HDGFL3: variants seen among roughly 807,000 people sequenced by gnomAD.
HDGFL3 encodes the protein HDGF like 3, also known as hepatoma-derived growth factor-related protein 3.
In HDGFL3, 6 loss-of-function variants were observed where a neutral mutation model predicts 27.6. That is an observed-to-expected ratio of 0.22 (90% CI 0.12 to 0.43). HDGFL3 has a LOEUF of 0.43. Ranked by LOEUF, HDGFL3 falls within the 20% of genes least tolerant of loss-of-function variation. The probability of loss-of-function intolerance (pLI) is 1.00; values close to 1 mark genes in which losing one functional copy is unlikely to be tolerated. For missense variants in HDGFL3, 207 were observed against 250.1 expected, an observed-to-expected ratio of 0.83 and a Z score of 1.16; for synonymous variants, 88 against 88.9, an observed-to-expected ratio of 0.99 and a Z score of 0.05.
In HDGFL3 at chr15:83,146,769, T is replaced by C. The variant is rs571007814; in HGVS notation, c.606+4446A>G. On this transcript the variant is annotated intron_variant, in intron 5 of 5. Coordinates refer to ENST00000299633, the MANE Select transcript of HDGFL3 (RefSeq NM_016073.4). ...AGACCACTGGTCTCAAGCAAGCCTT[T>C]AGTATTACCTGGCAATTCAACTTCA... Among the ~76,000 whole-genome samples, 6 of 152,378 alleles carry C rather than the reference T, an allele frequency of 3.9e-5. No individual in the cohort carries two copies. The South Asian group carries it at 1.0e-3, about 26-fold the overall frequency.
chr15:83,176,207 T>G (rs1021855493), intron 1 of HDGFL3, among the ~76,000 whole-genome samples: 10 of 152,212 alleles, frequency 6.6e-5, no homozygotes, highest in Admixed American at 1.3e-4. Flanking sequence ...GTGACTGTAC[T>G]TGAGAAAGCC....
At chr15:83,191,244 G>T (rs2037507685) in intron 1 of HDGFL3, among the ~76,000 whole-genome samples, 1 of 152,082 alleles carries the variant, frequency 6.6e-6, no homozygotes, top group South Asian at 2.1e-4. Context: ...GAAATGTCTT[G>T]TTTTGGCTGT....
chr15:83,192,540 T>C (rs1390301495), intron 1 of HDGFL3, among the ~76,000 whole-genome samples: 2 of 152,200 alleles, frequency 1.3e-5, no homozygotes, highest in Admixed American at 6.5e-5. Context: ...ATGAGCTAAT[T>C]GTAATATTTC....
At chr15:83,201,731 C>G (rs910496140) in intron 1 of HDGFL3, among the ~76,000 whole-genome samples, 1 of 151,934 alleles carries the variant, frequency 6.6e-6, no homozygotes, top group Non-Finnish European at 1.5e-5. Context: ...TAGAGAATTC[C>G]AAAGGGGATG....
At chr15:83,150,511 C>G (rs187670137) in intron 5 of HDGFL3, among the ~76,000 whole-genome samples, 31 of 152,240 alleles carry the variant, frequency 2.0e-4, no homozygotes, top group Admixed American at 2.0e-3. Context: ...GAGAGGTAAA[C>G]AGGACTGACA....
At chr15:83,145,562 A>C (rs1721241611) in intron 5 of HDGFL3, among the ~76,000 whole-genome samples, 1 of 151,992 alleles carries the variant, frequency 6.6e-6, no homozygotes, top group Non-Finnish European at 1.5e-5. Context: ...TTTATAAGCT[A>C]TTCATTCTCT....
At chr15:83,164,367 C>CAAAAAAAAAAAAAAAAAAAAAAAAAA (rs869303457) in intron 1 of HDGFL3, among the ~76,000 whole-genome samples, 14 of 38,394 alleles carry the variant, frequency 3.6e-4, no homozygotes, top group South Asian at 1.3e-3. Context: ...TTAGAGTAAC[C>CAAAAAAAAAAAAAAAAAAAAAAAAAA]AAAAAAAAAA....
At chr15:83,139,392 C>T in intron 5 of HDGFL3, 117 bp from the exon 6 acceptor site, 1 of 517,364 alleles carries the variant, frequency 1.9e-6, no homozygotes, top group Non-Finnish European at 3.2e-6. Context: ...TTAATATGCA[C>T]TGCAGCATTA....
rs753661528 is a variant in HDGFL3 at position 83,163,989 on chromosome 15, G to T, written c.161+10C>A. The T allele has an allele frequency of 1.1e-5, 18 of 1,602,744 alleles. No homozygotes were observed. The Admixed American group carries it at 2.3e-4, about 21-fold the overall frequency. On this transcript the variant is annotated intron_variant, in intron 2 of 5. Transcript: ENST00000299633. ...AGCTAGAGCTGTTGAAACTATTTTT[G>T]CTAACTTACGTTTCATGGGTGCCAA...
At chr15:83,161,957 T>G (rs989021555) in intron 2 of HDGFL3, among the ~76,000 whole-genome samples, 2 of 152,090 alleles carry the variant, frequency 1.3e-5, no homozygotes, top group African/African-American at 4.8e-5. Flanking sequence ...GCAGAAGAAC[T>G]TGAGGCTCCA....
At chr15:83,173,463 T>C (rs1490848803) in intron 1 of HDGFL3, among the ~76,000 whole-genome samples, 1 of 152,224 alleles carries the variant, frequency 6.6e-6, no homozygotes, top group African/African-American at 2.4e-5. Context: ...CAACTTAAGA[T>C]GGGTTTATCC....
chr15:83,141,404 T>C (rs2036768437), intron 5 of HDGFL3, among the ~76,000 whole-genome samples: 1 of 152,188 alleles, frequency 6.6e-6, no homozygotes, highest in Non-Finnish European at 1.5e-5. Flanking sequence ...AGGAGTACCA[T>C]TTTGATATGA....
chr15:83,141,582 T>A (rs967248023), intron 5 of HDGFL3, among the ~76,000 whole-genome samples: 36 of 152,138 alleles, frequency 2.4e-4, no homozygotes, highest in Non-Finnish European at 5.0e-4. Context: ...AGTTTTCCAA[T>A]ATTTAAAGAC....
In HDGFL3 at chr15:83,135,206, A is replaced by G. The variant is rs1291347727; in HGVS notation, c.*4064T>C. The stretch of plus-strand genomic sequence containing the variant: ...GCCCATTAAAATATCTGCCACTGAT[A>G]AAAAATTCATAAAGATGCTGCTTAA... On this transcript the variant is annotated 3_prime_UTR_variant, in exon 6 of 6. Transcript: ENST00000299633. 6.6e-6 allele frequency: 1 copy of G among 152,232 alleles called. No individual in the cohort carries two copies. The highest frequency in any genetic ancestry group is 2.4e-5 in the African/African-American group (1 of 41,466). 9.4% of individuals were successfully genotyped at this position (152,232 alleles called of 1,614,324 possible).
intron 3 of HDGFL3, among the ~76,000 whole-genome samples, chr15:83,117,550 A>G (rs887302102): frequency 6.6e-6 from 1 of 152,294 alleles, no homozygotes; most frequent in Non-Finnish European, 1.5e-5. Flanking sequence ...AGTGGGGGCC[A>G]TGGAGCCCAG....
chr15:83,144,333 G>A (rs1375643405), intron 5 of HDGFL3, among the ~76,000 whole-genome samples: 3 of 152,250 alleles, frequency 2.0e-5, no homozygotes, highest in Non-Finnish European at 4.4e-5. Context: ...TCCTGCCTCC[G>A]GTATCTCTAC....
intron 1 of HDGFL3, among the ~76,000 whole-genome samples, chr15:83,169,949 C>G (rs2037224627): frequency 6.6e-6 from 1 of 152,082 alleles, no homozygotes; most frequent in Non-Finnish European, 1.5e-5. Flanking sequence ...AGAGCCAAAT[C>G]AAGAATGCAA....
chr15:83,112,807 A>G (rs761410387), exon 4 of HDGFL3: 1 of 1,613,832 alleles, frequency 6.2e-7, no homozygotes, highest in South Asian at 1.1e-5. Context: ...TTCCTGGACT[A>G]TTGTAGGGGT....
intron 4 of HDGFL3, among the ~76,000 whole-genome samples, chr15:83,156,550 T>C (rs2151401538): frequency 6.6e-6 from 1 of 152,268 alleles, no homozygotes; most frequent in South Asian, 2.1e-4. Context: ...AGTAAAAATA[T>C]ATCTTTTTAC....
Sources: gnomAD v4.1 joint callset for allele counts (sites outside exome capture counted in the v4.1 genomes callset) on GRCh38, gnomAD v4.1.1 for gene constraint, MANE v1.5 for transcripts, NCBI Gene and HGNC (gene_info 2026-07-23, HGNC 2026-07-21) for gene names.